MCF2L2: variants seen among roughly 807,000 people sequenced by gnomAD.
MCF2L2 encodes probable guanine nucleotide exchange factor MCF2L2.
MCF2L2 carries 102 observed loss-of-function variants against 150.2 expected under a neutral mutation model. The ratio of observed to expected loss-of-function variants is 0.68; its 90% confidence interval spans 0.58 to 0.80. The LOEUF (loss-of-function observed/expected upper bound fraction) is 0.80, where lower values mean the gene tolerates loss of function less well. MCF2L2 is among the 30% of genes least tolerant of loss of function. The pLI is 0.00. For missense variants in MCF2L2, 1,256 were observed against 1,372.8 expected, an observed-to-expected ratio of 0.91 and a Z score of 1.34; for synonymous variants, 465 against 491.3, an observed-to-expected ratio of 0.95 and a Z score of 0.71.
intron 10 of MCF2L2, among the ~76,000 whole-genome samples, chr3:183,301,405 G>A (rs906606137): frequency 6.6e-6 from 1 of 152,140 alleles, no homozygotes; most frequent in Non-Finnish European, 1.5e-5. Flanking sequence ...GGTGGGGAGG[G>A]CAGGGAGTGC....
intron 15 of MCF2L2, chr3:183,265,157 T>G (rs1725976135): frequency 6.6e-6 from 1 of 152,228 alleles, no homozygotes; most frequent in Non-Finnish European, 1.5e-5. Context: ...TATTCATCCC[T>G]GATTTGCAGA....
At chr3:183,282,494 A>G (rs759366279) in intron 14 of MCF2L2, among the ~76,000 whole-genome samples, 2 of 152,202 alleles carry the variant, frequency 1.3e-5, no homozygotes, top group Non-Finnish European at 2.9e-5. Context: ...CTGACTGCAA[A>G]TGTTTTAATA....
intron 10 of MCF2L2, among the ~76,000 whole-genome samples, chr3:183,300,767 A>C (rs2108498217): frequency 6.6e-6 from 1 of 152,214 alleles, no homozygotes; most frequent in Admixed American, 6.5e-5. Flanking sequence ...CTGTAATGCC[A>C]GCACTTTGGG....
At chr3:183,418,281 A>G (rs985768036) in intron 1 of MCF2L2, among the ~76,000 whole-genome samples, 2 of 149,834 alleles carry the variant, frequency 1.3e-5, no homozygotes, top group Non-Finnish European at 3.0e-5. Flanking sequence ...CCATGATCCA[A>G]TCACCTCCCA....
chr3:183,323,098 T>C (rs901225634), intron 6 of MCF2L2, 137 bp downstream of exon 6: 1 of 581,026 alleles, frequency 1.7e-6, no homozygotes, highest in Non-Finnish European at 3.2e-6. Flanking sequence ...TTCCCCACCC[T>C]GTGGCTGAGA....
chr3:183,381,500 T>C (rs1204042409), intron 2 of MCF2L2, among the ~76,000 whole-genome samples: 1 of 152,204 alleles, frequency 6.6e-6, no homozygotes, highest in Non-Finnish European at 1.5e-5. Flanking sequence ...CCAAGTAAAT[T>C]GTAAACTTGT....
rs1484534138 is a variant in MCF2L2, at chr3:183,182,146, G to A, written c.3017-1987C>T. 2.6e-5 allele frequency among the ~76,000 whole-genome samples: 4 copies of A among 152,120 alleles called. No individual in the cohort carries two copies. The East Asian group carries it at 7.7e-4, about 29-fold the overall frequency. ...CTGAAACAGTCAACTGTTTCCTCTA[G>A]CCCATTCCCTGCCTCCAGGCGAGGA... On this transcript the variant is annotated intron_variant, in intron 27 of 29. Coordinates refer to ENST00000328913, the MANE Select transcript of MCF2L2 (RefSeq NM_015078.4).
intron 27 of MCF2L2, 170 bp from the exon 28 acceptor site, chr3:183,180,329 C>T: frequency 1.8e-6 from 1 of 541,952 alleles, no homozygotes. Flanking sequence ...TCTGTGATCT[C>T]CAGGCTGCTT....
At chr3:183,349,134 C>T (rs1207948137) in intron 3 of MCF2L2, among the ~76,000 whole-genome samples, 3 of 152,234 alleles carry the variant, frequency 2.0e-5, no homozygotes, top group Non-Finnish European at 4.4e-5. Flanking sequence ...CACTTCTGAT[C>T]ACCATGGAAT....
At chr3:183,204,157 T>A (rs2108644915) in intron 25 of MCF2L2, among the ~76,000 whole-genome samples, 1 of 152,300 alleles carries the variant, frequency 6.6e-6, no homozygotes. Context: ...GAGTTAAAAC[T>A]ATAAACTCTT....
chr3:183,247,950 G>A (rs544788924), intron 15 of MCF2L2, among the ~76,000 whole-genome samples: 1 of 152,150 alleles, frequency 6.6e-6, no homozygotes, highest in East Asian at 1.9e-4. Context: ...GAAATCTATT[G>A]CAAAAAGGAA....
chr3:183,370,341 A>T (rs1204716505), intron 3 of MCF2L2, among the ~76,000 whole-genome samples: 1 of 152,250 alleles, frequency 6.6e-6, no homozygotes, highest in Non-Finnish European at 1.5e-5. Context: ...GGGCCTCAGT[A>T]GTGTGGCCGA....
At chr3:183,339,192 G>A (rs1202293667) in intron 4 of MCF2L2, among the ~76,000 whole-genome samples, 2 of 151,968 alleles carry the variant, frequency 1.3e-5, no homozygotes, top group African/African-American at 4.8e-5. Context: ...AGAAAAATTG[G>A]GAAATTAATA....
chr3:183,357,456 A>C (rs928128622), intron 3 of MCF2L2, among the ~76,000 whole-genome samples: 14 of 152,216 alleles, frequency 9.2e-5, no homozygotes, highest in African/African-American at 3.1e-4. Context: ...CAGGTCAATC[A>C]TCCTTAATCC....
intron 15 of MCF2L2, among the ~76,000 whole-genome samples, chr3:183,276,186 A>C (rs1481436940): frequency 1.3e-5 from 2 of 152,260 alleles, no homozygotes; most frequent in Non-Finnish European, 1.5e-5. Context: ...CGTAAGTGAA[A>C]GAATATAAAG....
Position 183,179,311 on chromosome 3 carries a change from GC to G in MCF2L2, c.*68del. 1.4e-6 allele frequency: 2 copies of G among 1,379,438 alleles called. No individual in the cohort carries two copies. Among genetic ancestry groups the G allele is most frequent in the Non-Finnish European group, 1.9e-6 (2 of 1,071,566 alleles). 85.4% of individuals were successfully genotyped at this position (1,379,438 alleles called of 1,614,324 possible). Reference sequence around the variant, plus strand: ...TTCTGCGTAGCTGGGCAGGGCCCGGGCCCCCACACCGCCTCTCCCGGGAATG... The same window carrying G: ...TTCTGCGTAGCTGGGCAGGGCCCGGGCCCCACACCGCCTCTCCCGGGAATG... On this transcript the variant is annotated 3_prime_UTR_variant, in exon 30 of 30. Coordinates refer to ENST00000328913, the MANE Select transcript of MCF2L2 (RefSeq NM_015078.4). The surrounding 1 kb of genome is among the most constrained non-coding windows in gnomAD (Gnocchi z 4.2).
chr3:183,205,828 C>A (rs1722449889), intron 25 of MCF2L2, 48 bp downstream of exon 25: 1 of 1,434,260 alleles, frequency 7.0e-7, no homozygotes, highest in African/African-American at 1.4e-5. Context: ...CCCCACTGAG[C>A]TGAAATCAGT....
At chr3:183,369,924 A>G (rs1281275150) in intron 3 of MCF2L2, among the ~76,000 whole-genome samples, 6 of 152,256 alleles carry the variant, frequency 3.9e-5, no homozygotes, top group Non-Finnish European at 7.3e-5. Context: ...CACAAATTTT[A>G]TAGCTAATCG....
At chr3:183,302,927 G>A (rs1356447712) in intron 10 of MCF2L2, among the ~76,000 whole-genome samples, 1 of 151,182 alleles carries the variant, frequency 6.6e-6, no homozygotes, top group Non-Finnish European at 1.5e-5. Flanking sequence ...GGGCGCGGTG[G>A]CTCACACCAG....
Sources: allele counts gnomAD v4.1 joint callset (sites outside exome capture counted in the v4.1 genomes callset), GRCh38; gene constraint gnomAD v4.1.1; non-coding constraint Gnocchi (gnomAD v3.1); transcripts MANE v1.5; gene names NCBI Gene and HGNC (gene_info 2026-07-23, HGNC 2026-07-21).